Variants in VAV3 observed in about 807,000 individuals in gnomAD.
VAV3 encodes the protein guanine nucleotide exchange factor VAV3.
In VAV3, 94 loss-of-function variants were observed where a neutral mutation model predicts 131.2. The observed-to-expected ratio is 0.72, with a 90% CI of 0.61 to 0.85. VAV3 has a LOEUF of 0.85. Among genes scored for constraint, VAV3 ranks in the 40% least tolerant of loss-of-function variants. VAV3 has a pLI of 0.00. For synonymous variants in VAV3, 349 were observed against 342.0 expected, an observed-to-expected ratio of 1.02 and a Z score of -0.22; for missense variants, 939 against 1,002.7, an observed-to-expected ratio of 0.94 and a Z score of 0.86.
chr1:107,748,495 T>C (rs1405693152), intron 15 of VAV3, among the ~76,000 whole-genome samples: 4 of 152,228 alleles, frequency 2.6e-5, no homozygotes, highest in African/African-American at 9.6e-5. Context: ...CGAAGCATTT[T>C]AGCCAAGATT....
Position 107,767,915 on chromosome 1 carries a change from A to G in VAV3, c.717+526T>C, listed in dbSNP as rs564792843. Among the ~76,000 whole-genome samples the G allele has an allele frequency of 7.5e-4, 114 of 152,316 alleles. 1 individual carries two copies. The highest frequency in any genetic ancestry group is 2.6e-3 in the African/African-American group (110 of 41,560). ...ATGTAAACGAAAAATATCTCCTCAA[A>G]TTTTACAATTAAAATAGTCTGGTAA... On this transcript the variant is annotated intron_variant, in intron 7 of 26. Coordinates refer to ENST00000370056, the MANE Select transcript of VAV3 (RefSeq NM_006113.5).
At chr1:107,649,174 C>G (rs1235683904) in intron 19 of VAV3, among the ~76,000 whole-genome samples, 1 of 152,042 alleles carries the variant, frequency 6.6e-6, no homozygotes, top group East Asian at 1.9e-4. Context: ...ACAGGGAGTT[C>G]TTTCTACATA....
intron 10 of VAV3, among the ~76,000 whole-genome samples, chr1:107,758,039 A>G (rs1664211438): frequency 6.6e-6 from 1 of 152,104 alleles, no homozygotes; most frequent in East Asian, 1.9e-4. Context: ...CTCAAATCCA[A>G]CATTCCCCAA....
At chr1:107,855,953 A>C (rs116690033) in intron 2 of VAV3, among the ~76,000 whole-genome samples, 9 of 152,314 alleles carry the variant, frequency 5.9e-5, no homozygotes, top group African/African-American at 2.2e-4. Context: ...TTGAGGTCCA[A>C]AGGCTTCACT....
At chr1:107,581,070 C>A (rs1650014006) in intron 25 of VAV3, among the ~76,000 whole-genome samples, 1 of 152,212 alleles carries the variant, frequency 6.6e-6, no homozygotes, top group Non-Finnish European at 1.5e-5. Context: ...AGACAACCTA[C>A]CTGCATCATG....
At chr1:107,625,392 G>A (rs928168585) in intron 20 of VAV3, among the ~76,000 whole-genome samples, 8 of 151,770 alleles carry the variant, frequency 5.3e-5, no homozygotes, top group Admixed American at 2.0e-4. Context: ...TCAGTCTCCC[G>A]AGTAGCTGGG....
chr1:107,770,679 T>G lies in VAV3; in HGVS notation c.605A>C (p.Gln202Pro). 6.2e-7 allele frequency: 1 copy of G among 1,612,472 alleles called. No homozygotes were observed. The highest frequency in any genetic ancestry group is 8.5e-7 in the Non-Finnish European group (1 of 1,179,310). The change falls in exon 6 of 27, where the codon CAG becomes CCG. Residue 202 changes from glutamine to proline, a missense_variant. Coordinates refer to ENST00000370056, the MANE Select transcript of VAV3 (RefSeq NM_006113.5). ...IRSCCLAEIK[Q>P]TEEKYTETLE... ...AGTTTCTGTATATTTTTCTTCTGTC[T>G]GCTTAATTTCTGCTAGACAACAACT...
chr1:107,747,347 A>G (rs1415670210), intron 15 of VAV3, among the ~76,000 whole-genome samples: 1 of 152,170 alleles, frequency 6.6e-6, no homozygotes, highest in Non-Finnish European at 1.5e-5. Context: ...TATATAGCCA[A>G]ACGAAACCCA....
At chr1:107,793,060 A>AGC (rs1666370959) in intron 2 of VAV3, among the ~76,000 whole-genome samples, 1 of 152,230 alleles carries the variant, frequency 6.6e-6, no homozygotes, top group East Asian at 1.9e-4. Flanking sequence ...ATACATATGC[A>AGC]TGCACACATG....
At chr1:107,703,546 G>A (rs1427884932) in intron 17 of VAV3, among the ~76,000 whole-genome samples, 2 of 152,182 alleles carry the variant, frequency 1.3e-5, no homozygotes, top group South Asian at 2.1e-4. Context: ...ATGGCACAGA[G>A]GGTCCTTTTA....
chr1:107,859,225 C>G (rs1259197181), intron 2 of VAV3, among the ~76,000 whole-genome samples: 1 of 152,004 alleles, frequency 6.6e-6, no homozygotes, highest in Non-Finnish European at 1.5e-5. Flanking sequence ...TGCACACCAC[C>G]AAGCCCAGTT....
In VAV3 at chr1:107,719,278, G is replaced by A. The variant is rs544395766; in HGVS notation, c.1503-14217C>T. Among the ~76,000 whole-genome samples the A allele has an allele frequency of 2.6e-5, 4 of 152,198 alleles. No homozygotes were observed. The South Asian group carries it at 6.2e-4, about 24-fold the overall frequency. On this transcript the variant is annotated intron_variant, in intron 15 of 26. Transcript: ENST00000370056. ...CATCAGAGTGAACAGGTAACCTACA[G>A]AATGGGAGAAAATGTTTGCAATCTA...
At chr1:107,854,512 A>G (rs1292495339) in intron 2 of VAV3, among the ~76,000 whole-genome samples, 1 of 152,182 alleles carries the variant, frequency 6.6e-6, no homozygotes, top group African/African-American at 2.4e-5. Flanking sequence ...GGAATCTAAT[A>G]TATTAGATAA....
intron 15 of VAV3, among the ~76,000 whole-genome samples, chr1:107,737,174 C>A (rs574646944): frequency 2.0e-5 from 3 of 152,280 alleles, no homozygotes; most frequent in South Asian, 2.1e-4. Context: ...GAAACTGGAT[C>A]CCTTCCTTAC....
chr1:107,964,315 C>A (rs1241320865), intron 1 of VAV3: 5 of 202,206 alleles, frequency 2.5e-5, no homozygotes, highest in Non-Finnish European at 5.0e-5. Context: ...TCGTCCCTCC[C>A]CTTCGTTATT....
intron 1 of VAV3, among the ~76,000 whole-genome samples, chr1:107,899,579 C>T (rs1288454098): frequency 1.3e-5 from 2 of 152,064 alleles, no homozygotes; most frequent in Admixed American, 6.5e-5. Context: ...ATGTGAGCTC[C>T]GTAGGACAGG....
intron 1 of VAV3, among the ~76,000 whole-genome samples, chr1:107,922,981 G>A (rs922563732): frequency 2.1e-5 from 3 of 144,540 alleles, no homozygotes; most frequent in Admixed American, 6.9e-5. Flanking sequence ...AAAAAAAAGA[G>A]CACAATTTGA....
chr1:107,618,064 C>A (rs1256244950), intron 20 of VAV3, among the ~76,000 whole-genome samples: 3 of 152,096 alleles, frequency 2.0e-5, no homozygotes, highest in Non-Finnish European at 4.4e-5. Context: ...AGATCCCTCA[C>A]ATGCGCAGTT....
At chr1:107,964,421 G>A in intron 1 of VAV3, 1 of 440,546 alleles carries the variant, frequency 2.3e-6, no homozygotes, top group Non-Finnish European at 4.1e-6. Flanking sequence ...CCGCCTCACA[G>A]AAAGCCTTTA....
Sources: gnomAD v4.1 joint callset for allele counts (sites outside exome capture counted in the v4.1 genomes callset) on GRCh38, gnomAD v4.1.1 for gene constraint, MANE v1.5 for transcripts, NCBI Gene and HGNC (gene_info 2026-07-23, HGNC 2026-07-21) for gene names.